Variants in RPS6KC1 observed in about 807,000 individuals in gnomAD.
The protein encoded by RPS6KC1 is inactive ribosomal protein S6 kinase delta-1.
Under a neutral mutation model 103.8 loss-of-function variants are expected in RPS6KC1, and 54 were observed. The ratio of observed to expected loss-of-function variants is 0.52; its 90% CI spans 0.42 to 0.65. The LOEUF is 0.65. Among genes scored for constraint, RPS6KC1 ranks in the 30% least tolerant of loss-of-function variants. The probability of loss-of-function intolerance (pLI) is 0.00; values close to 1 mark genes in which losing one functional copy is unlikely to be tolerated. For missense variants in RPS6KC1, 1,151 were observed against 1,253.8 expected (o/e 0.92, Z 1.24); for synonymous variants, 439 against 438.7 (o/e 1.00, Z -0.01).
chr1:213,205,547 G>GTATATATATATATATAT (rs2093320673), intron 8 of RPS6KC1, among the ~76,000 whole-genome samples: 1 of 102,478 alleles, frequency 9.8e-6, no homozygotes, highest in South Asian at 3.2e-4. Flanking sequence ...TATATATATA[G>GTATATATATATATATAT]ATATATATAT....
At chr1:213,705,586 A>G in the RPS6KC1 span, among the ~76,000 whole-genome samples, 10 of 152,346 alleles carry the variant, frequency 6.6e-5, no homozygotes, top group East Asian at 1.7e-3. Flanking sequence ...GGAATCACCT[A>G]TATCCCCGTG....
At chr1:213,444,324 A>G in the RPS6KC1 span, among the ~76,000 whole-genome samples, 1 of 152,094 alleles carries the variant, frequency 6.6e-6, no homozygotes, top group Non-Finnish European at 1.5e-5. Context: ...TGTTTGTGGC[A>G]GGTGGGGGGC....
chr1:213,360,084 G>C, the RPS6KC1 span, among the ~76,000 whole-genome samples: 3 of 152,036 alleles, frequency 2.0e-5, no homozygotes, highest in Non-Finnish European at 2.9e-5. Context: ...TCTGTATTTC[G>C]TGAATTTGAA....
the RPS6KC1 span, among the ~76,000 whole-genome samples, chr1:213,351,009 C>CA: frequency 2.0e-4 from 31 of 152,120 alleles, no homozygotes; most frequent in Admixed American, 3.9e-4. Flanking sequence ...GCTGGGTCTA[C>CA]AAAAACATAT....
the RPS6KC1 span, among the ~76,000 whole-genome samples, chr1:213,442,873 T>G: frequency 1.3e-5 from 2 of 152,120 alleles, no homozygotes; most frequent in Non-Finnish European, 2.9e-5. Flanking sequence ...TTGATCCATC[T>G]GGGATGAATC....
the RPS6KC1 span, among the ~76,000 whole-genome samples, chr1:213,740,321 G>A: frequency 4.6e-5 from 7 of 152,046 alleles, no homozygotes; most frequent in African/African-American, 9.7e-5. Context: ...TGGCTGGTGA[G>A]TTAAAATTTA....
chr1:213,650,096 G>A, the RPS6KC1 span, among the ~76,000 whole-genome samples: 1 of 152,186 alleles, frequency 6.6e-6, no homozygotes, highest in Non-Finnish European at 1.5e-5. Flanking sequence ...CAGGAGCCCA[G>A]CCCAGGTTTG....
intron 10 of RPS6KC1, among the ~76,000 whole-genome samples, chr1:213,233,671 G>C (rs1030164412): frequency 2.0e-5 from 3 of 151,602 alleles, no homozygotes. Context: ...TATACCTCTT[G>C]AAACTGATGT....
At chr1:213,402,258 A>G in the RPS6KC1 span, among the ~76,000 whole-genome samples, 4 of 152,196 alleles carry the variant, frequency 2.6e-5, no homozygotes, top group Admixed American at 6.5e-5. Flanking sequence ...ACAGTCTAGT[A>G]AGGGAGGAAG....
At chr1:213,822,104 T>A in the RPS6KC1 span, 1 of 152,212 alleles carries the variant, frequency 6.6e-6, no homozygotes, top group South Asian at 2.1e-4. Context: ...TGTCACTGGG[T>A]GATCCAGATA....
Position 213,268,879 on chromosome 1 carries a change from A to G in RPS6KC1, c.3091-3645A>G, listed in dbSNP as rs142664314. ...AAAAACTAAATACTAAATGAAAATT[A>G]GTAGAGAAACTAAAATGGTACAGCA... On this transcript the variant is annotated intron_variant, in intron 14 of 14. Coordinates refer to ENST00000366960, the MANE Select transcript of RPS6KC1 (RefSeq NM_012424.6). Among the ~76,000 whole-genome samples the G allele has an allele frequency of 5.5e-4, 83 of 152,290 alleles. 1 individual carries two copies. The highest frequency in any genetic ancestry group is 1.9e-3 in the African/African-American group (77 of 41,582).
At chr1:213,492,541 G>A in the RPS6KC1 span, 1 of 152,320 alleles carries the variant, frequency 6.6e-6, no homozygotes, top group African/African-American at 2.4e-5. Flanking sequence ...TTGTGTGAAG[G>A]ATTCTCCACC....
At chr1:213,507,195 T>C in the RPS6KC1 span, among the ~76,000 whole-genome samples, 1 of 152,184 alleles carries the variant, frequency 6.6e-6, no homozygotes, top group Non-Finnish European at 1.5e-5. Context: ...TTCAGTCACA[T>C]TTTAGGATCC....
chr1:213,655,872 C>T, the RPS6KC1 span, among the ~76,000 whole-genome samples: 1 of 152,114 alleles, frequency 6.6e-6, no homozygotes, highest in Admixed American at 6.5e-5. Flanking sequence ...GGATGACCCC[C>T]TGTGTATTGT....
At chr1:213,130,820 T>C (rs2149002839) in intron 6 of RPS6KC1, among the ~76,000 whole-genome samples, 1 of 152,310 alleles carries the variant, frequency 6.6e-6, no homozygotes, top group East Asian at 1.9e-4. Flanking sequence ...TCCCATTTCC[T>C]AATGCCACCA....
At chr1:213,402,149 G>A in the RPS6KC1 span, among the ~76,000 whole-genome samples, 3 of 152,178 alleles carry the variant, frequency 2.0e-5, no homozygotes, top group Non-Finnish European at 4.4e-5. Context: ...CAGGAGTGGT[G>A]TCACAGACAT....
At chr1:213,116,408 A>G (rs1240694247) in intron 4 of RPS6KC1, among the ~76,000 whole-genome samples, 2 of 38,198 alleles carry the variant, frequency 5.2e-5, no homozygotes, top group Non-Finnish European at 8.8e-5. Flanking sequence ...TTTGCTTGGT[A>G]GATCTTCCTC....
At chr1:213,741,826 T>C in the RPS6KC1 span, among the ~76,000 whole-genome samples, 1 of 152,078 alleles carries the variant, frequency 6.6e-6, no homozygotes, top group Non-Finnish European at 1.5e-5. Context: ...CATGACCCGA[T>C]GCAGAGCTGG....
At chr1:213,237,271 C>T (rs1000879232) in intron 10 of RPS6KC1, among the ~76,000 whole-genome samples, 1 of 152,060 alleles carries the variant, frequency 6.6e-6, no homozygotes, top group Non-Finnish European at 1.5e-5. Context: ...CTCACCATTA[C>T]TAGTGTGACT....
Sources: gnomAD v4.1 joint callset for allele counts (sites outside exome capture counted in the v4.1 genomes callset) on GRCh38, gnomAD v4.1.1 for gene constraint, MANE v1.5 for transcripts, NCBI Gene and HGNC (gene_info 2026-07-23, HGNC 2026-07-21) for gene names.